PLCH1: variants seen among roughly 807,000 people sequenced by gnomAD.
The protein encoded by PLCH1 is phospholipase C eta 1, also known as 1-phosphatidylinositol 4,5-bisphosphate phosphodiesterase eta-1.
Under a neutral mutation model 126.7 loss-of-function variants are expected in PLCH1, and 60 were observed. The observed-to-expected ratio is 0.47, with a 90% CI of 0.38 to 0.59. The LOEUF is 0.59. Ranked by LOEUF, PLCH1 falls within the 20% of genes least tolerant of loss-of-function variation. The pLI, the probability that PLCH1 is intolerant of heterozygous loss-of-function variation, is 0.00. For synonymous variants in PLCH1, 719 were observed against 734.9 expected (o/e 0.98, Z 0.35); for missense variants, 1,723 against 2,040.0 (o/e 0.84, Z 2.99).
At chr3:155,591,647 A>G (rs1369766367) in intron 4 of PLCH1, among the ~76,000 whole-genome samples, 1 of 152,238 alleles carries the variant, frequency 6.6e-6, no homozygotes, top group Non-Finnish European at 1.5e-5. Flanking sequence ...AAATAAACAC[A>G]TTTTTATGTC....
At chr3:155,456,177 C>T (rs546382972) in intron 21 of PLCH1, among the ~76,000 whole-genome samples, 1 of 152,158 alleles carries the variant, frequency 6.6e-6, no homozygotes, top group East Asian at 1.9e-4. Context: ...CTCTATGATA[C>T]TCCCCTGAAT....
At chr3:155,606,354 T>G (rs1734359993) in intron 2 of PLCH1, among the ~76,000 whole-genome samples, 1 of 152,216 alleles carries the variant, frequency 6.6e-6, no homozygotes, top group Non-Finnish European at 1.5e-5. Context: ...CCCCAAGAAC[T>G]GTAAATGGAC....
intron 2 of PLCH1, among the ~76,000 whole-genome samples, chr3:155,674,803 T>C (rs1743930390): frequency 6.6e-6 from 1 of 152,210 alleles, no homozygotes; most frequent in South Asian, 2.1e-4. Context: ...TAAAGCTCTA[T>C]TTTAAATTTA....
At chr3:155,521,010 C>G (rs867450243) in intron 11 of PLCH1, among the ~76,000 whole-genome samples, 2 of 152,180 alleles carry the variant, frequency 1.3e-5, no homozygotes, top group African/African-American at 4.8e-5. Flanking sequence ...CTGGCCTTTG[C>G]GCTTGGGGTT....
chr3:155,472,363 C>T (rs192444396), intron 21 of PLCH1, among the ~76,000 whole-genome samples: 112 of 152,242 alleles, frequency 7.4e-4, no homozygotes, highest in Non-Finnish European at 1.4e-3. Context: ...ATACACCCTC[C>T]CAAGACTAAA....
At chr3:155,707,000 G>A (rs73876925) in intron 1 of PLCH1, among the ~76,000 whole-genome samples, 2,255 of 152,178 alleles carry the variant, frequency 0.015, 59 homozygotes, top group African/African-American at 0.052. Context: ...ATAGTATTAG[G>A]AGGTGGGACC....
intron 21 of PLCH1, chr3:155,486,111 T>C (rs928251207): frequency 3.1e-5 from 41 of 1,340,796 alleles, no homozygotes; most frequent in Non-Finnish European, 3.8e-5. Flanking sequence ...AAAAGAAATA[T>C]GCCAGCCAGA....
chr3:155,584,869 T>A (rs1731154970), intron 5 of PLCH1, among the ~76,000 whole-genome samples: 1 of 152,160 alleles, frequency 6.6e-6, no homozygotes, highest in African/African-American at 2.4e-5. Context: ...ATTGGCCTCT[T>A]ACATTGAATC....
chr3:155,621,519 G>T (rs934143211), intron 2 of PLCH1, among the ~76,000 whole-genome samples: 3 of 152,082 alleles, frequency 2.0e-5, no homozygotes, highest in African/African-American at 7.2e-5. Context: ...CTTGAAAAAA[G>T]GTTAGACGAA....
At chr3:155,667,308 C>T (rs1742836117) in intron 2 of PLCH1, among the ~76,000 whole-genome samples, 1 of 152,082 alleles carries the variant, frequency 6.6e-6, no homozygotes, top group African/African-American at 2.4e-5. Context: ...TTCCTCTTCT[C>T]TCATGTAGGG....
chr3:155,708,544 G>T (rs56697775), intron 1 of PLCH1, among the ~76,000 whole-genome samples: 1 of 152,320 alleles, frequency 6.6e-6, no homozygotes, highest in African/African-American at 2.4e-5. Context: ...AGCAGGTTGA[G>T]TCTTTCATGG....
At chr3:155,605,456 T>C (rs186892719) in intron 2 of PLCH1, among the ~76,000 whole-genome samples, 2 of 152,362 alleles carry the variant, frequency 1.3e-5, no homozygotes, top group East Asian at 3.9e-4. Flanking sequence ...GAGTTGCTAT[T>C]AGAACTAAGT....
intron 2 of PLCH1, among the ~76,000 whole-genome samples, chr3:155,654,199 C>T (rs557552513): frequency 1.3e-5 from 2 of 151,846 alleles, no homozygotes; most frequent in South Asian, 4.2e-4. Flanking sequence ...CATCATATTC[C>T]CTGGTGTTTC....
chr3:155,667,626 A>G (rs1340117514), intron 2 of PLCH1, among the ~76,000 whole-genome samples: 1 of 152,204 alleles, frequency 6.6e-6, no homozygotes, highest in Non-Finnish European at 1.5e-5. Context: ...GATTGGCTCA[A>G]CTGAGAAATA....
At chr3:155,733,949 A>ATATATATATATATATATATATATATG (rs1748960534) in intron 1 of PLCH1, among the ~76,000 whole-genome samples, 2 of 74,196 alleles carry the variant, frequency 2.7e-5, no homozygotes, top group Non-Finnish European at 5.1e-5. Flanking sequence ...ATATATATAT[A>ATATATATATATATATATATATATATG]TATATATATA....
chr3:155,744,418 C>T (rs1306525191), intron 1 of PLCH1, among the ~76,000 whole-genome samples: 2 of 152,230 alleles, frequency 1.3e-5, no homozygotes, highest in Admixed American at 6.5e-5. Flanking sequence ...ACGCTGCACT[C>T]CCCTTGCTGG....
chr3:155,454,766 C>G (rs571401536), intron 21 of PLCH1, among the ~76,000 whole-genome samples: 9 of 152,120 alleles, frequency 5.9e-5, no homozygotes, highest in Non-Finnish European at 1.0e-4. Flanking sequence ...GAAGTCAAAG[C>G]TTTTTTTAAT....
intron 2 of PLCH1, among the ~76,000 whole-genome samples, chr3:155,666,906 G>A (rs1175613081): frequency 4.1e-5 from 2 of 48,444 alleles, no homozygotes; most frequent in Non-Finnish European, 3.5e-5. Flanking sequence ...GTGTGTGTGT[G>A]TGTGTGTGTG....
chr3:155,702,237 C>T (rs907348631), intron 2 of PLCH1, among the ~76,000 whole-genome samples: 4 of 152,180 alleles, frequency 2.6e-5, no homozygotes, highest in Non-Finnish European at 5.9e-5. Context: ...GAAAAGAGAA[C>T]TGAGTTCCTG....
Sources: allele counts gnomAD v4.1 joint callset (sites outside exome capture counted in the v4.1 genomes callset), GRCh38; gene constraint gnomAD v4.1.1; transcripts MANE v1.5; gene names NCBI Gene and HGNC (gene_info 2026-07-23, HGNC 2026-07-21).